TGFB2: variants seen among roughly 807,000 people sequenced by gnomAD.
TGFB2 encodes transforming growth factor beta 2, also known as transforming growth factor beta-2 proprotein.
TGFB2 carries 13 observed loss-of-function variants against 42.7 expected under a neutral mutation model. That is an observed-to-expected ratio of 0.30 (90% CI 0.20 to 0.48). The LOEUF is 0.48. Among genes scored for constraint, TGFB2 ranks in the 20% least tolerant of loss-of-function variants. The probability of loss-of-function intolerance (pLI) is 0.99; values close to 1 mark genes in which losing one functional copy is unlikely to be tolerated. For missense variants in TGFB2, 390 were observed against 517.5 expected (o/e 0.75, Z 2.39); for synonymous variants, 193 against 193.6 (o/e 1.00, Z 0.03).
At chr1:218,405,597 G>A in intron 2 of TGFB2, 1 of 474,710 alleles carries the variant, frequency 2.1e-6, no homozygotes. Context: ...TGGAACTCCT[G>A]GCCTTAAGCA....
At position 218,346,599 on chromosome 1, in the gene TGFB2, C is replaced by CAAA; in HGVS notation, c.-99_-97dup. 1.8e-6 allele frequency: 2 copies of CAAA among 1,112,176 alleles called. No homozygotes were observed. The highest frequency in any genetic ancestry group is 2.5e-6 in the Non-Finnish European group (2 of 802,316). 68.9% of individuals were successfully genotyped at this position (1,112,176 alleles called of 1,614,324 possible). ...AGTTTCGCATCAAAAACAACAACAA[C>CAAA]AAAAAACCAAACAACTCTCCTTGAT... On this transcript the variant is annotated 5_prime_UTR_variant, in exon 1 of 7. Transcript: ENST00000366930. The surrounding 1 kb of genome is among the most constrained non-coding windows in gnomAD (Gnocchi z 4.9).
intron 1 of TGFB2, among the ~76,000 whole-genome samples, chr1:218,393,999 C>T (rs1160532259): frequency 3.9e-5 from 6 of 152,044 alleles, no homozygotes; most frequent in East Asian, 1.9e-4. Flanking sequence ...CTCCACCTCC[C>T]GGGTTAACGC....
chr1:218,384,492 G>A (rs914948720), intron 1 of TGFB2, among the ~76,000 whole-genome samples: 8 of 152,200 alleles, frequency 5.3e-5, no homozygotes, highest in African/African-American at 1.9e-4. Flanking sequence ...CCACTTATTA[G>A]CTGTGTGACC....
At chr1:218,363,348 G>A in intron 1 of TGFB2, 1 of 1,613,980 alleles carries the variant, frequency 6.2e-7, no homozygotes, top group Non-Finnish European at 8.5e-7. Flanking sequence ...CTGCCCAGTT[G>A]TTACAACACC....
At chr1:218,358,355 G>T (rs987039882) in intron 1 of TGFB2, among the ~76,000 whole-genome samples, 4 of 152,100 alleles carry the variant, frequency 2.6e-5, no homozygotes, top group African/African-American at 9.7e-5. Flanking sequence ...CTTAGACCAA[G>T]TTTATCAGGG....
chr1:218,441,200 T>G lies in TGFB2; in HGVS notation c.1087-4T>G, dbSNP rs779924540. ...GTTGTCTCTCCTCTCCTGTGTCCTT[T>G]CAGGTCCTGAGCTTATATAATACCA... is the stretch of plus-strand genomic sequence containing the variant. On this transcript the variant is annotated splice_polypyrimidine_tract_variant and splice_region_variant and intron_variant, in intron 6 of 6. Coordinates refer to ENST00000366930, the MANE Select transcript of TGFB2 (RefSeq NM_003238.6). 3.1e-6 allele frequency: 5 copies of G among 1,603,058 alleles called. No homozygotes were observed. The African/African-American group carries it at 6.7e-5, about 22-fold the overall frequency.
intron 1 of TGFB2, among the ~76,000 whole-genome samples, chr1:218,377,962 T>G (rs1013789174): frequency 4.9e-5 from 6 of 123,018 alleles, no homozygotes; most frequent in South Asian, 2.1e-4. Flanking sequence ...TATAGTGTGT[T>G]TGTTTGTTTG....
chr1:218,426,755 CAGAA>C (rs888386290), intron 2 of TGFB2, among the ~76,000 whole-genome samples: 3 of 151,948 alleles, frequency 2.0e-5, no homozygotes, highest in Admixed American at 1.3e-4. Flanking sequence ...GAGAGAGAAA[CAGAA>C]AGAGAGAGAT....
chr1:218,394,587 A>G (rs929486704), intron 1 of TGFB2, among the ~76,000 whole-genome samples: 5 of 151,848 alleles, frequency 3.3e-5, no homozygotes, highest in African/African-American at 1.2e-4. Context: ...ACACAATTAG[A>G]CTCACCATTG....
At position 218,366,934 on chromosome 1, in the gene TGFB2, C is replaced by T. The variant is rs375401827; in HGVS notation, c.346+19887C>T. Among the ~76,000 whole-genome samples, 84 of 152,308 alleles carry T rather than the reference C, an allele frequency of 5.5e-4. 2 individuals carry two copies. In the South Asian group the frequency reaches 0.012, roughly 22 times the overall value. ...TACAGCCCCTGTGGAGTTTTTGCCA[C>T]GTGCTTTCCATTTTCCCAAATGCAG... On this transcript the variant is annotated intron_variant, in intron 1 of 6. Transcript: ENST00000366930.
intron 2 of TGFB2, among the ~76,000 whole-genome samples, chr1:218,427,461 T>C (rs1659661603): frequency 6.6e-6 from 1 of 152,168 alleles, no homozygotes. Context: ...ATTAGGTATA[T>C]CTCCTAATGC....
chr1:218,434,600 G>A (rs1659912139), intron 4 of TGFB2, 152 bp downstream of exon 4: 2 of 610,802 alleles, frequency 3.3e-6, no homozygotes, highest in South Asian at 2.0e-5. Context: ...ATATACATAT[G>A]TGAAGGGAGA....
chr1:218,378,723 C>T (rs1422508357), intron 1 of TGFB2, among the ~76,000 whole-genome samples: 2 of 151,890 alleles, frequency 1.3e-5, no homozygotes, highest in African/African-American at 4.8e-5. Context: ...CCTTCCGCCT[C>T]AACCTCCTAG....
At chr1:218,428,862 A>G (rs1388543998) in intron 2 of TGFB2, among the ~76,000 whole-genome samples, 2 of 151,910 alleles carry the variant, frequency 1.3e-5, no homozygotes, top group Non-Finnish European at 2.9e-5. Context: ...GTTTTTTCCA[A>G]TTCTGTGAAG....
At chr1:218,363,522 T>C in intron 1 of TGFB2, 5 of 1,157,402 alleles carry the variant, frequency 4.3e-6, no homozygotes, top group Non-Finnish European at 6.4e-6. Flanking sequence ...GATGAGATTC[T>C]GAAATGCAGC....
In TGFB2 at chr1:218,398,776, C is replaced by T. The variant is rs560349114; in HGVS notation, c.347-6393C>T. On this transcript the variant is annotated intron_variant, in intron 1 of 6. Coordinates refer to ENST00000366930, the MANE Select transcript of TGFB2 (RefSeq NM_003238.6). ...CTAATTTTTGTATTTTTAGTAGAGA[C>T]GGGGTTTCACCATGTGGCCAGGATG... Among the ~76,000 whole-genome samples, 8 of 152,032 alleles carry T rather than the reference C, an allele frequency of 5.3e-5. No homozygotes were observed. The East Asian group carries it at 9.7e-4, about 18-fold the overall frequency.
At chr1:218,375,867 G>A (rs572117022) in intron 1 of TGFB2, among the ~76,000 whole-genome samples, 6 of 152,222 alleles carry the variant, frequency 3.9e-5, no homozygotes, top group South Asian at 2.1e-4. Flanking sequence ...ACCATGGCAC[G>A]TTTACCTATG....
chr1:218,441,192 G>T lies in TGFB2; in HGVS notation c.1087-12G>T, dbSNP rs1660139012. The T allele has an allele frequency of 6.2e-7, 1 of 1,600,074 alleles. No homozygotes were observed. The highest frequency in any genetic ancestry group is 8.5e-7 in the Non-Finnish European group (1 of 1,176,740). ...TTCCCTATGTTGTCTCTCCTCTCCT[G>T]TGTCCTTTCAGGTCCTGAGCTTATA... On this transcript the variant is annotated splice_polypyrimidine_tract_variant and intron_variant, in intron 6 of 6. Transcript: ENST00000366930.
intron 6 of TGFB2, among the ~76,000 whole-genome samples, chr1:218,439,612 CACTCGGGGGCG>C (rs934249166): frequency 1.3e-5 from 2 of 152,196 alleles, no homozygotes; most frequent in African/African-American, 4.8e-5. Context: ...TAGACTTTGG[CACTCGGGGGCG>C]ACCGTGTGCT....
Sources: gnomAD v4.1 joint callset for allele counts (sites outside exome capture counted in the v4.1 genomes callset) on GRCh38, gnomAD v4.1.1 for gene constraint, Gnocchi (gnomAD v3.1) non-coding constraint, MANE v1.5 for transcripts, NCBI Gene and HGNC (gene_info 2026-07-23, HGNC 2026-07-21) for gene names.